The following SLC6A15 variants were observed in gnomAD, a reference collection of about 807,000 sequenced individuals.
SLC6A15 encodes solute carrier family 6 member 15, also known as sodium-dependent neutral amino acid transporter B(0)AT2.
A neutral mutation model predicts 68.5 loss-of-function variants in SLC6A15; 33 were observed. That is an observed-to-expected ratio of 0.48 (90% CI 0.37 to 0.64). SLC6A15 has a LOEUF of 0.64. Among genes scored for constraint, SLC6A15 ranks in the 30% least tolerant of loss-of-function variants. The probability of loss-of-function intolerance (pLI) is 0.00; values close to 1 mark genes in which losing one functional copy is unlikely to be tolerated. For missense variants in SLC6A15, 747 were observed against 874.3 expected (o/e 0.85, Z 1.84); for synonymous variants, 347 against 301.0 (o/e 1.15, Z -1.58).
In SLC6A15 at chr12:84,872,969, G is replaced by A. The variant is rs938084315; in HGVS notation, c.1109+118C>T. The A allele has an allele frequency of 3.1e-6, 4 of 1,307,132 alleles. No homozygotes were observed. In the East Asian group the frequency reaches 1.0e-4, roughly 33 times the overall value. The allele number at this position is 1,307,132 out of a possible 1,614,324, so 81.0% of individuals were successfully genotyped here. ...CAGATTTGACCATTATACATTGTAT[G>A]TTTGTGTCGAACTATCACATGTATC... On this transcript the variant is annotated intron_variant, in intron 7 of 11. Coordinates refer to ENST00000266682, the MANE Select transcript of SLC6A15 (RefSeq NM_182767.6).
intron 1 of SLC6A15, among the ~76,000 whole-genome samples, chr12:84,902,296 G>T (rs1172745628): frequency 2.0e-5 from 3 of 151,654 alleles, no homozygotes; most frequent in African/African-American, 7.3e-5. Flanking sequence ...TTCCCAAAAG[G>T]TGGGCTACAA....
intron 2 of SLC6A15, among the ~76,000 whole-genome samples, chr12:84,887,775 G>A (rs892285092): frequency 3.3e-5 from 5 of 152,102 alleles, no homozygotes; most frequent in African/African-American, 1.2e-4. Context: ...TCATGTGTGG[G>A]TGACATGCTG....
intron 5 of SLC6A15, among the ~76,000 whole-genome samples, chr12:84,880,431 C>T (rs1047834786): frequency 6.6e-5 from 10 of 152,208 alleles, no homozygotes; most frequent in African/African-American, 1.2e-4. Flanking sequence ...TCTCTCCATG[C>T]GTTACGTCTT....
Position 84,891,902 on chromosome 12 carries a change from G to A in SLC6A15, c.219C>T (p.Ala73=), listed in dbSNP as rs1292928046. 3 of 1,613,684 alleles carry A rather than the reference G, an allele frequency of 1.9e-6. No homozygotes were observed. The African/African-American group carries it at 4.0e-5, about 22-fold the overall frequency. The change falls in exon 2 of 12, where the codon GCC becomes GCT. Residue 73 remains alanine (A), a synonymous_variant. Transcript: ENST00000266682. The stretch of plus-strand genomic sequence containing the variant: ...CTAAACCTACAGAAAATCCAACTTG[G>A]GCCAGGATGTATTGTAGTTTACTGT... The part of the protein sequence containing the change: ...AWNSKLQYIL[A]QVGFSVGLGN...
chr12:84,894,681 T>C (rs1361240488), intron 1 of SLC6A15, among the ~76,000 whole-genome samples: 1 of 152,104 alleles, frequency 6.6e-6, no homozygotes, highest in African/African-American at 2.4e-5. Context: ...TAAAAGGTAA[T>C]ACCTTTGGCT....
At chr12:84,905,332 G>T (rs1443547474) in intron 1 of SLC6A15, among the ~76,000 whole-genome samples, 1 of 152,146 alleles carries the variant, frequency 6.6e-6, no homozygotes, top group Non-Finnish European at 1.5e-5. Flanking sequence ...ATCTACTGAT[G>T]CAGGAAAGAC....
At chr12:84,902,356 C>G (rs1297754874) in intron 1 of SLC6A15, among the ~76,000 whole-genome samples, 1 of 151,764 alleles carries the variant, frequency 6.6e-6, no homozygotes, top group African/African-American at 2.4e-5. Flanking sequence ...ATTAATAACA[C>G]CAAATATTGG....
chr12:84,871,251 T>C (rs1871273517), intron 8 of SLC6A15, among the ~76,000 whole-genome samples: 1 of 151,544 alleles, frequency 6.6e-6, no homozygotes, highest in Non-Finnish European at 1.5e-5. Context: ...AGCCAATTTT[T>C]AATTTAAAAA....
chr12:84,883,645 T>C (rs1478500590), intron 5 of SLC6A15: 2 of 1,458,172 alleles, frequency 1.4e-6, no homozygotes, highest in Non-Finnish European at 1.8e-6. Flanking sequence ...GGAAAGATTA[T>C]AATTAACCTT....
At chr12:84,906,048 A>G (rs987414047) in intron 1 of SLC6A15, among the ~76,000 whole-genome samples, 1 of 152,228 alleles carries the variant, frequency 6.6e-6, no homozygotes, top group Non-Finnish European at 1.5e-5. Context: ...TCTATATTAT[A>G]AATTCTAATG....
Position 84,861,358 on chromosome 12 carries a change from T to C in SLC6A15, c.*274A>G, listed in dbSNP as rs1870840442. The C allele has an allele frequency of 3.4e-6, 1 of 295,250 alleles. No homozygotes were observed. Among genetic ancestry groups the C allele is most frequent in the South Asian group, 1.3e-4 (1 of 7,554 alleles). The allele number at this position is 295,250 out of a possible 1,614,324, so 18.3% of individuals were successfully genotyped here. On this transcript the variant is annotated 3_prime_UTR_variant, in exon 12 of 12. Transcript: ENST00000266682. ...ACCATTTTTTTAAGAGATAGAAATA[T>C]TTGAAAATACACCAAAGGTACTTAA...
chr12:84,904,641 A>C (rs1873054691), intron 1 of SLC6A15, among the ~76,000 whole-genome samples: 1 of 152,234 alleles, frequency 6.6e-6, no homozygotes, highest in African/African-American at 2.4e-5. Context: ...GTATTAGAAT[A>C]GAAATAGGTA....
At chr12:84,885,681 G>T in intron 3 of SLC6A15, 120 bp from the exon 4 acceptor site, 1 of 1,163,852 alleles carries the variant, frequency 8.6e-7, no homozygotes, top group South Asian at 1.7e-5. Context: ...TATTTATTTG[G>T]GACACATTAT....
At chr12:84,909,504 G>A (rs1383924793) in intron 1 of SLC6A15, among the ~76,000 whole-genome samples, 1 of 152,164 alleles carries the variant, frequency 6.6e-6, no homozygotes, top group Non-Finnish European at 1.5e-5. Context: ...AAGACAGCCA[G>A]AAGAGTGGTA....
intron 1 of SLC6A15, among the ~76,000 whole-genome samples, chr12:84,909,941 A>G (rs1448243814): frequency 6.6e-6 from 1 of 152,192 alleles, no homozygotes; most frequent in Non-Finnish European, 1.5e-5. Context: ...TCACTGGGTA[A>G]GGTAGTAACT....
In SLC6A15 at chr12:84,891,830, A is replaced by G. The variant is rs1188375745; in HGVS notation, c.289+2T>C. ...AATTTATCACTTAAAAAGATTACTT[A>G]CCGCCCCCATTCTTCTGACATAGGT... On this transcript the variant is annotated splice_donor_variant, in intron 2 of 11. Coordinates refer to ENST00000266682, the MANE Select transcript of SLC6A15 (RefSeq NM_182767.6). LOFTEE classifies it high-confidence loss of function. 9.9e-6 allele frequency: 16 copies of G among 1,608,250 alleles called. No homozygotes were observed. Among genetic ancestry groups the G allele is most frequent in the Non-Finnish European group, 1.4e-5 (16 of 1,176,488 alleles).
chr12:84,885,536 T>C lies in SLC6A15; in HGVS notation c.473A>G (p.Tyr158Cys). 1 of 1,613,490 alleles carries C rather than the reference T, an allele frequency of 6.2e-7. No individual in the cohort carries two copies. Among genetic ancestry groups the C allele is most frequent in the Non-Finnish European group, 8.5e-7 (1 of 1,179,674 alleles). The change falls in exon 4 of 12, where the codon TAC becomes TGC. Residue 158 changes from tyrosine (Y) to cysteine (C), a missense_variant. Tyr to Cys is a radical substitution (Grantham distance 194). Coordinates refer to ENST00000266682, the MANE Select transcript of SLC6A15 (RefSeq NM_182767.6). Reference protein sequence around the residue: ...CVVCYFVALYYNVIIGWSLFY... With the variant: ...CVVCYFVALYCNVIIGWSLFY... Reference sequence around the variant, plus strand: ...CAAACTCCAGCCAATGATGACGTTGTAGTAGAGAGCTACAAAATAGCACAC... The same window carrying C: ...CAAACTCCAGCCAATGATGACGTTGCAGTAGAGAGCTACAAAATAGCACAC...
At chr12:84,862,105 C>G in intron 11 of SLC6A15, 99 bp from the exon 12 acceptor site, 1 of 1,289,158 alleles carries the variant, frequency 7.8e-7, no homozygotes, top group Non-Finnish European at 1.1e-6. Context: ...AGAATCTGGG[C>G]TGGCTTTGTG....
chr12:84,876,635 T>A, intron 5 of SLC6A15, 28 bp from the exon 6 acceptor site: 1 of 1,101,998 alleles, frequency 9.1e-7, no homozygotes, highest in Non-Finnish European at 1.3e-6. Flanking sequence ...TAAAAATAAG[T>A]GAGATACAAT....
Sources: allele counts gnomAD v4.1 joint callset (sites outside exome capture counted in the v4.1 genomes callset), GRCh38; gene constraint gnomAD v4.1.1; transcripts MANE v1.5; gene names NCBI Gene and HGNC (gene_info 2026-07-23, HGNC 2026-07-21).